Variants in RFX3 observed in about 807,000 individuals in gnomAD.
RFX3 encodes transcription factor RFX3.
In RFX3, 14 loss-of-function variants were observed where a neutral mutation model predicts 98.6. The ratio of observed to expected loss-of-function variants is 0.14; its 90% confidence interval spans 0.09 to 0.22. RFX3 has a LOEUF of 0.22. Among genes scored for constraint, RFX3 ranks in the 10% least tolerant of loss-of-function variants. RFX3 has a pLI of 1.00. For missense variants in RFX3, 639 were observed against 926.9 expected (o/e 0.69, Z 4.03); for synonymous variants, 383 against 328.4 (o/e 1.17, Z -1.80).
intron 15 of RFX3, among the ~76,000 whole-genome samples, chr9:3,239,078 G>C (rs1431902560): frequency 2.6e-5 from 4 of 151,782 alleles, no homozygotes; most frequent in African/African-American, 7.3e-5. Flanking sequence ...GTTTTTGATG[G>C]TGAAAAGAAA....
chr9:3,524,693 T>C (rs1819042972), intron 1 of RFX3: 3 of 858,354 alleles, frequency 3.5e-6, no homozygotes, highest in South Asian at 1.1e-4. Flanking sequence ...AACACTCTAC[T>C]GCGGGGAAGG....
chr9:3,397,368 A>T (rs1381306837), intron 1 of RFX3, among the ~76,000 whole-genome samples: 1 of 152,258 alleles, frequency 6.6e-6, no homozygotes, highest in Non-Finnish European at 1.5e-5. Context: ...TTAAATCTAT[A>T]TGAAATACAG....
chr9:3,502,556 T>G (rs1816142594), intron 1 of RFX3, among the ~76,000 whole-genome samples: 1 of 152,210 alleles, frequency 6.6e-6, no homozygotes, highest in Non-Finnish European at 1.5e-5. Flanking sequence ...CTCACAGAAC[T>G]TTCAGTCTTT....
At chr9:3,473,219 G>A (rs980323518) in intron 1 of RFX3, among the ~76,000 whole-genome samples, 9 of 152,198 alleles carry the variant, frequency 5.9e-5, no homozygotes, top group Non-Finnish European at 1.2e-4. Context: ...AAAAGCTGCA[G>A]TCTTAGGCTA....
chr9:3,295,979 G>A (rs1827937685), intron 5 of RFX3, among the ~76,000 whole-genome samples: 1 of 151,882 alleles, frequency 6.6e-6, no homozygotes, highest in East Asian at 1.9e-4. Flanking sequence ...TTGTGTACTA[G>A]TCTTCTTGCA....
intron 13 of RFX3, among the ~76,000 whole-genome samples, chr9:3,261,390 A>G (rs570783949): frequency 6.6e-6 from 1 of 152,246 alleles, no homozygotes; most frequent in African/African-American, 2.4e-5. Flanking sequence ...GAATGGAATC[A>G]TGTCACGTGT....
At chr9:3,463,077 T>C (rs1033892803) in intron 1 of RFX3, among the ~76,000 whole-genome samples, 1 of 152,062 alleles carries the variant, frequency 6.6e-6, no homozygotes, top group South Asian at 2.1e-4. Context: ...GGACATAAGG[T>C]AACCAAAACA....
At chr9:3,247,259 T>C (rs923367262) in intron 15 of RFX3, 27 of 969,664 alleles carry the variant, frequency 2.8e-5, no homozygotes, top group Middle Eastern at 5.3e-4. Context: ...GCCCTTGTTA[T>C]ATTCAGAGTT....
intron 15 of RFX3, among the ~76,000 whole-genome samples, chr9:3,241,859 A>G (rs1819972721): frequency 6.6e-6 from 1 of 152,198 alleles, no homozygotes; most frequent in African/African-American, 2.4e-5. Flanking sequence ...CTACTAACAA[A>G]AAGTGCAAGG....
intron 1 of RFX3, among the ~76,000 whole-genome samples, chr9:3,516,394 CAA>C (rs886737550): frequency 1.3e-5 from 2 of 152,132 alleles, no homozygotes; most frequent in African/African-American, 4.8e-5. Context: ...ACTTCTTAAA[CAA>C]AAGACTATTT....
At chr9:3,318,405 G>C (rs981414584) in intron 4 of RFX3, among the ~76,000 whole-genome samples, 1 of 152,010 alleles carries the variant, frequency 6.6e-6, no homozygotes, top group African/African-American at 2.4e-5. Flanking sequence ...ATAGCATTAG[G>C]AGATATACCT....
intron 2 of RFX3, among the ~76,000 whole-genome samples, chr9:3,365,157 G>A (rs190838337): frequency 3.9e-5 from 6 of 151,986 alleles, no homozygotes; most frequent in Admixed American, 3.3e-4. Context: ...AAAATTAACC[G>A]GGCATGGTGT....
chr9:3,512,222 T>A (rs1211044436), intron 1 of RFX3, among the ~76,000 whole-genome samples: 1 of 152,010 alleles, frequency 6.6e-6, no homozygotes, highest in Non-Finnish European at 1.5e-5. Context: ...ATTTAAATAT[T>A]TTCAAAGCAA....
At chr9:3,436,142 G>A (rs962761739) in intron 1 of RFX3, among the ~76,000 whole-genome samples, 8 of 151,928 alleles carry the variant, frequency 5.3e-5, no homozygotes, top group African/African-American at 1.4e-4. Flanking sequence ...ATAAAAGATG[G>A]GAAGAGTATT....
At chr9:3,410,657 GC>G (rs913803897) in intron 1 of RFX3, among the ~76,000 whole-genome samples, 4 of 152,164 alleles carry the variant, frequency 2.6e-5, no homozygotes, top group African/African-American at 9.7e-5. Flanking sequence ...CTGTCAAACA[GC>G]ATGAAATGCT....
At chr9:3,225,524 TTTG>T (rs1025489407) in intron 16 of RFX3, among the ~76,000 whole-genome samples, 61 of 143,474 alleles carry the variant, frequency 4.3e-4, no homozygotes, top group African/African-American at 1.8e-3. Context: ...TGATTGATAC[TTTG>T]TTAACTTTTT....
chr9:3,374,588 C>T (rs111907827), intron 2 of RFX3, among the ~76,000 whole-genome samples: 72 of 152,216 alleles, frequency 4.7e-4, no homozygotes, highest in Non-Finnish European at 8.5e-4. Flanking sequence ...GAGGACATTT[C>T]GCTAACTGAA....
intron 2 of RFX3, among the ~76,000 whole-genome samples, chr9:3,350,345 C>T (rs1301267157): frequency 1.3e-5 from 2 of 152,108 alleles, no homozygotes; most frequent in Admixed American, 6.6e-5. Context: ...TGCAAATATT[C>T]TCCCATCATA....
chr9:3,302,534 GA>G (rs143119166), intron 4 of RFX3, among the ~76,000 whole-genome samples: 16,461 of 151,518 alleles, frequency 0.11, 894 homozygotes, highest in Middle Eastern at 0.19. Flanking sequence ...AAATTCAAAA[GA>G]AAAAAATCAC....
Sources: allele counts gnomAD v4.1 joint callset (sites outside exome capture counted in the v4.1 genomes callset), GRCh38; gene constraint gnomAD v4.1.1; transcripts MANE v1.5; gene names NCBI Gene and HGNC (gene_info 2026-07-23, HGNC 2026-07-21).